KCNJ6: variants seen among roughly 807,000 people sequenced by gnomAD.
KCNJ6 encodes potassium inwardly rectifying channel subfamily J member 6.
A neutral mutation model predicts 34.2 loss-of-function variants in KCNJ6; 9 were observed. That is an observed-to-expected ratio of 0.26 (90% CI 0.16 to 0.46). KCNJ6 has a LOEUF of 0.46. Among genes scored for constraint, KCNJ6 ranks in the 20% least tolerant of loss-of-function variants. The pLI is 1.00. For missense variants in KCNJ6, 236 were observed against 531.3 expected (o/e 0.44, Z 5.46); for synonymous variants, 196 against 207.1 (o/e 0.95, Z 0.46).
chr21:37,910,365 G>A (rs2123653573), intron 1 of KCNJ6, among the ~76,000 whole-genome samples: 1 of 152,192 alleles, frequency 6.6e-6, no homozygotes, highest in African/African-American at 2.4e-5. Flanking sequence ...TGATACAAGA[G>A]AAATTTAAAG....
rs183957514 is a variant in KCNJ6 at position 37,808,967 on chromosome 21, T to C, written c.25+31691A>G. 2.7e-3 allele frequency among the ~76,000 whole-genome samples: 415 copies of C among 152,338 alleles called. 5 individuals are homozygous for C. Among genetic ancestry groups the C allele is most frequent in the African/African-American group, 9.4e-3 (390 of 41,570 alleles). On this transcript the variant is annotated intron_variant, in intron 2 of 3. Transcript: ENST00000609713. Reference sequence around the variant, plus strand: ...ACCATTGTGGAAGCCAGTGTGGCGATTCCTCAGGGATCTGAGAAAACTAGA... The same window carrying C: ...ACCATTGTGGAAGCCAGTGTGGCGACTCCTCAGGGATCTGAGAAAACTAGA...
intron 1 of KCNJ6, among the ~76,000 whole-genome samples, chr21:37,905,740 G>T (rs546261402): frequency 6.6e-6 from 1 of 152,178 alleles, no homozygotes; most frequent in African/African-American, 2.4e-5. Flanking sequence ...TAAGTTTAAG[G>T]CCTCTGGGAA....
intron 1 of KCNJ6, among the ~76,000 whole-genome samples, chr21:37,867,390 C>A (rs2055627992): frequency 6.6e-6 from 1 of 152,162 alleles, no homozygotes; most frequent in Non-Finnish European, 1.5e-5. Flanking sequence ...GCCAAGCTTG[C>A]AGCAGGGACA....
At chr21:37,851,575 T>C (rs976619153) in intron 1 of KCNJ6, among the ~76,000 whole-genome samples, 3 of 152,214 alleles carry the variant, frequency 2.0e-5, no homozygotes, top group Non-Finnish European at 4.4e-5. Flanking sequence ...GGACAGAAGG[T>C]GACCCCTTTG....
In KCNJ6 at chr21:37,619,765, C is replaced by G. The variant is rs1292647573; in HGVS notation, c.*5394G>C. 2 of 152,254 alleles carry G rather than the reference C, an allele frequency of 1.3e-5. No homozygotes were observed. The highest frequency in any genetic ancestry group is 2.9e-5 in the Non-Finnish European group (2 of 68,068). 9.4% of individuals were successfully genotyped at this position (152,254 alleles called of 1,614,324 possible). ...TGCTTTGCTGAGCAGAGACTGGCAG[C>G]CTGAGCTATGTACATCATCCAACGC... On this transcript the variant is annotated 3_prime_UTR_variant, in exon 4 of 4. Coordinates refer to ENST00000609713, the MANE Select transcript of KCNJ6 (RefSeq NM_002240.5).
At chr21:37,639,126 A>T (rs1423248412) in intron 3 of KCNJ6, among the ~76,000 whole-genome samples, 2 of 152,184 alleles carry the variant, frequency 1.3e-5, no homozygotes. Flanking sequence ...AAGCTTCCCT[A>T]CTTCCAAAAA....
At chr21:37,674,580 A>C (rs2054556264) in intron 3 of KCNJ6, among the ~76,000 whole-genome samples, 1 of 150,294 alleles carries the variant, frequency 6.7e-6, no homozygotes, top group Non-Finnish European at 1.5e-5. Context: ...GGGCCTTTGC[A>C]TGCAGGTCCT....
chr21:37,906,363 C>G (rs914646838), intron 1 of KCNJ6, among the ~76,000 whole-genome samples: 1 of 152,182 alleles, frequency 6.6e-6, no homozygotes, highest in Non-Finnish European at 1.5e-5. Context: ...TGAGCCTGGA[C>G]TTGGAGGTCT....
intron 3 of KCNJ6, among the ~76,000 whole-genome samples, chr21:37,652,129 G>A (rs1277756110): frequency 2.6e-5 from 4 of 152,186 alleles, no homozygotes; most frequent in Non-Finnish European, 4.4e-5. Flanking sequence ...GTTACAGGAG[G>A]TGGAGGCTGA....
At chr21:37,657,816 A>G (rs1274873325) in intron 3 of KCNJ6, among the ~76,000 whole-genome samples, 1 of 152,244 alleles carries the variant, frequency 6.6e-6, no homozygotes, top group African/African-American at 2.4e-5. Flanking sequence ...TCTGGTTTAG[A>G]AAAGTCCCTG....
intron 2 of KCNJ6, among the ~76,000 whole-genome samples, chr21:37,716,644 A>G (rs1387905785): frequency 6.6e-6 from 1 of 152,070 alleles, no homozygotes; most frequent in African/African-American, 2.4e-5. Flanking sequence ...TGGCCTCCCA[A>G]AATGCTGGGA....
At chr21:37,645,268 A>G (rs1460737961) in intron 3 of KCNJ6, among the ~76,000 whole-genome samples, 1 of 152,092 alleles carries the variant, frequency 6.6e-6, no homozygotes, top group Non-Finnish European at 1.5e-5. Flanking sequence ...GGGAGGCTGA[A>G]TAGGGAGGAT....
intron 3 of KCNJ6, among the ~76,000 whole-genome samples, chr21:37,711,327 T>TAACA (rs2054751043): frequency 6.6e-6 from 1 of 152,188 alleles, no homozygotes; most frequent in African/African-American, 2.4e-5. Context: ...GCCTGCTTCC[T>TAACA]AACAGGGAAG....
chr21:37,703,872 C>T (rs554956822), intron 3 of KCNJ6, among the ~76,000 whole-genome samples: 1 of 152,322 alleles, frequency 6.6e-6, no homozygotes, highest in Admixed American at 6.5e-5. Context: ...TCTTCAATGT[C>T]GGGGATGAGA....
intron 1 of KCNJ6, among the ~76,000 whole-genome samples, chr21:37,885,910 C>G (rs1183863831): frequency 6.6e-6 from 1 of 152,138 alleles, no homozygotes; most frequent in African/African-American, 2.4e-5. Context: ...GCCTTCTGCC[C>G]TCCAAACTTG....
chr21:37,666,727 AAAAG>A lies in KCNJ6; in HGVS notation c.947-41247_947-41244del, dbSNP rs547517710. 4.6e-5 allele frequency among the ~76,000 whole-genome samples: 7 copies of A among 151,938 alleles called. No homozygotes were observed. The South Asian group carries it at 8.3e-4, about 18-fold the overall frequency. On this transcript the variant is annotated intron_variant, in intron 3 of 3. Transcript: ENST00000609713. The stretch of plus-strand genomic sequence containing the variant: ...TCGAAAAGAAAGGGGAAATGTGGGG[AAAAG>A]AAAGAGAGATCAGATTGTTACTGTG...
At chr21:37,773,806 C>T (rs1286066997) in intron 2 of KCNJ6, among the ~76,000 whole-genome samples, 1 of 152,118 alleles carries the variant, frequency 6.6e-6, no homozygotes, top group Non-Finnish European at 1.5e-5. Flanking sequence ...GTTCTCCAAT[C>T]TTGTCATGAA....
intron 1 of KCNJ6, among the ~76,000 whole-genome samples, chr21:37,890,771 C>T (rs1000701365): frequency 6.6e-6 from 1 of 152,142 alleles, no homozygotes; most frequent in Non-Finnish European, 1.5e-5. Context: ...GGGAGTGCAT[C>T]ACATCGGTAC....
chr21:37,858,951 T>C (rs1219101297), intron 1 of KCNJ6, among the ~76,000 whole-genome samples: 3 of 152,140 alleles, frequency 2.0e-5, no homozygotes, highest in Non-Finnish European at 2.9e-5. Flanking sequence ...ACATACTTTA[T>C]GGTAGGGAGA....
Sources: allele counts gnomAD v4.1 joint callset (sites outside exome capture counted in the v4.1 genomes callset), GRCh38; gene constraint gnomAD v4.1.1; transcripts MANE v1.5; gene names NCBI Gene and HGNC (gene_info 2026-07-23, HGNC 2026-07-21).